ZNF75D: variants seen among roughly 807,000 people sequenced by gnomAD.
ZNF75D encodes zinc finger protein 75.
ZNF75D carries 33 observed loss-of-function variants against 33.3 expected under a neutral mutation model. The ratio of observed to expected loss-of-function variants is 0.99; its 90% confidence interval spans 0.75 to 1.32. ZNF75D has a LOEUF of 1.32. Among genes scored for constraint, ZNF75D ranks in the 40% most tolerant of loss-of-function variants. ZNF75D has a pLI of 0.00. For missense variants in ZNF75D, 338 were observed against 367.5 expected (o/e 0.92, Z 0.66); for synonymous variants, 113 against 130.6 (o/e 0.87, Z 0.92).
chrX:135,257,323 A>T (rs2083808299), intron 1 of ZNF75D, among the ~76,000 whole-genome samples: 1 of 111,776 alleles, frequency 8.9e-6, no homozygotes, highest in Non-Finnish European at 1.9e-5. Flanking sequence ...GGTAGCATTC[A>T]CTACAAGCTG....
chrX:135,339,295 T>G (rs1271030546), intron 1 of ZNF75D, among the ~76,000 whole-genome samples: 1 of 112,208 alleles, frequency 8.9e-6, no homozygotes, highest in African/African-American at 3.2e-5. Flanking sequence ...ACCATTCTCT[T>G]TCAAGTCCTG....
intron 1 of ZNF75D, among the ~76,000 whole-genome samples, chrX:135,300,762 A>T (rs2084207927): frequency 9.1e-6 from 1 of 109,891 alleles, no homozygotes; most frequent in African/African-American, 3.3e-5. Context: ...AAAAAAAAAA[A>T]ATCACACAAT....
intron 1 of ZNF75D, among the ~76,000 whole-genome samples, chrX:135,310,075 A>T (rs782792158): frequency 8.9e-6 from 1 of 112,227 alleles, no homozygotes; most frequent in African/African-American, 3.2e-5. Context: ...TGCCTGTCCT[A>T]ATGAAAAGAC....
chrX:135,306,196 G>A (rs782444685), intron 1 of ZNF75D, among the ~76,000 whole-genome samples: 38 of 108,621 alleles, frequency 3.5e-4, no homozygotes, highest in Admixed American at 5.9e-4. Context: ...GTGCAGATGC[G>A]CTGGGACTGA....
chrX:135,317,617 T>C (rs2084436818), intron 1 of ZNF75D, among the ~76,000 whole-genome samples: 1 of 110,895 alleles, frequency 9.0e-6, no homozygotes, highest in Non-Finnish European at 1.9e-5. Flanking sequence ...GTGGCTGTAG[T>C]GGCCTGGAAA....
At chrX:135,262,259 C>A (rs2083845753) in intron 1 of ZNF75D, among the ~76,000 whole-genome samples, 1 of 111,527 alleles carries the variant, frequency 9.0e-6, no homozygotes. Flanking sequence ...GTTAATCTGA[C>A]AATTATGTGT....
chrX:135,308,473 G>A (rs964977474), intron 1 of ZNF75D, among the ~76,000 whole-genome samples: 11 of 111,901 alleles, frequency 9.8e-5, no homozygotes, highest in African/African-American at 3.6e-4. Context: ...GGAAGGTATG[G>A]GAGAGTCATT....
At chrX:135,335,196 T>C (rs1462690719) in intron 1 of ZNF75D, among the ~76,000 whole-genome samples, 1 of 110,841 alleles carries the variant, frequency 9.0e-6, no homozygotes. Context: ...GAGGTTGAAG[T>C]TTGAGAGGAG....
Position 135,258,059 on chromosome X carries a change from A to G in ZNF75D, n.828-2282T>C, listed in dbSNP as rs782693229. 4.1e-4 allele frequency among the ~76,000 whole-genome samples: 44 copies of G among 108,352 alleles called. 1 individual carries two copies. The highest frequency in any genetic ancestry group is 5.7e-4 in the East Asian group (2 of 3,510). The allele number at this position is 108,352 out of a possible 115,157, so 94.1% of individuals were successfully genotyped here. ...TTACCACCTATGAGTGAGAACATGC[A>G]GTGTTTGGTTTTCTGTCCTTGTGAT... On this transcript the variant is annotated intron_variant and non_coding_transcript_variant, in intron 1 of 3. Coordinates refer to the ZNF75D transcript ENST00000494295.
chrX:135,335,760 C>T lies in ZNF75D; in HGVS notation c.-391+6008G>A, dbSNP rs192833746. 4.1e-4 allele frequency among the ~76,000 whole-genome samples: 46 copies of T among 111,800 alleles called. 1 individual carries two copies. The highest frequency in any genetic ancestry group is 2.1e-4 in the Non-Finnish European group (11 of 53,164). ...TAAACCAGTACTTCACAGGTATACACAGCTCAATGATCCACCGCAAGTAAA... is the reference window on the plus strand; with the variant it reads ...TAAACCAGTACTTCACAGGTATACATAGCTCAATGATCCACCGCAAGTAAA... On this transcript the variant is annotated intron_variant, in intron 1 of 6. Transcript: ENST00000370766.
chrX:135,329,733 C>G (rs184890324), intron 1 of ZNF75D, among the ~76,000 whole-genome samples: 1 of 112,197 alleles, frequency 8.9e-6, no homozygotes. Flanking sequence ...ATATTGTATG[C>G]TCCTCTAAGA....
At chrX:135,284,271 A>G (rs1245559085), downstream of ZNF75D, among the ~76,000 whole-genome samples, 3 of 112,367 alleles carry the variant, frequency 2.7e-5, no homozygotes, top group African/African-American at 9.7e-5. Flanking sequence ...TGTACTGAGA[A>G]GGTGGTGGGC....
intron 1 of ZNF75D, among the ~76,000 whole-genome samples, chrX:135,328,706 A>C (rs2084613419): frequency 8.9e-6 from 1 of 112,286 alleles, no homozygotes; most frequent in African/African-American, 3.2e-5. Flanking sequence ...TCACCTCTTC[A>C]CTTTCCCAAT....
chrX:135,250,335 C>T (rs1315380066), intron 3 of ZNF75D, among the ~76,000 whole-genome samples: 3 of 85,079 alleles, frequency 3.5e-5, no homozygotes, highest in African/African-American at 1.4e-4. Flanking sequence ...CGGGACTGAG[C>T]GTTCCTTCCC....
intron 1 of ZNF75D, among the ~76,000 whole-genome samples, chrX:135,321,540 G>C (rs2084495735): frequency 9.0e-6 from 1 of 111,566 alleles, no homozygotes; most frequent in Non-Finnish European, 1.9e-5. Context: ...AAAGGGCTTA[G>C]ACATCTCTCC....
At chrX:135,257,154 G>C (rs1556414364) in intron 1 of ZNF75D, among the ~76,000 whole-genome samples, 1 of 112,595 alleles carries the variant, frequency 8.9e-6, no homozygotes, top group African/African-American at 3.2e-5. Context: ...GAAAAGTAAA[G>C]GGGACTTTGT....
chrX:135,320,509 A>G (rs1453621860), intron 1 of ZNF75D, among the ~76,000 whole-genome samples: 1 of 111,783 alleles, frequency 8.9e-6, no homozygotes, highest in Non-Finnish European at 1.9e-5. Flanking sequence ...AAAACTGCTT[A>G]TAGCCCTTAT....
intron 1 of ZNF75D, among the ~76,000 whole-genome samples, chrX:135,325,668 A>G (rs782345701): frequency 8.9e-6 from 1 of 112,349 alleles, no homozygotes; most frequent in African/African-American, 3.2e-5. Flanking sequence ...TCGATTTCTC[A>G]CCCGGCCTTA....
chrX:135,287,701 T>G lies in ZNF75D; in HGVS notation c.969A>C (p.Thr323=). Reference sequence around the variant, plus strand: ...CTCGATGCCATTTCTGTACACTGTGTGTATCACCAGGATTTTCCCTGCCCA... The same window carrying G: ...CTCGATGCCATTTCTGTACACTGTGGGTATCACCAGGATTTTCCCTGCCCA... ...KTMGRENPGD[T]HSVQKWHRAF... is the part of the protein sequence containing the mutation. The change falls in exon 7 of 7, where the codon ACA becomes ACC. Residue 323 remains threonine, a synonymous_variant. Transcript: ENST00000370766. 1 of 1,212,170 alleles carries G rather than the reference T, an allele frequency of 8.2e-7. No homozygotes were observed. The highest frequency in any genetic ancestry group is 1.1e-6 in the Non-Finnish European group (1 of 895,563).
Sources: gnomAD v4.1 joint callset for allele counts (sites outside exome capture counted in the v4.1 genomes callset) on GRCh38, gnomAD v4.1.1 for gene constraint, MANE v1.5 for transcripts, NCBI Gene and HGNC (gene_info 2026-07-23, HGNC 2026-07-21) for gene names.